The following WWOX variants were observed in gnomAD, a reference collection of about 807,000 sequenced individuals.
The protein encoded by WWOX is WW domain-containing oxidoreductase.
In WWOX, 69 loss-of-function variants were observed where a neutral mutation model predicts 46.2. That is an observed-to-expected ratio of 1.49 (90% confidence interval 1.23 to 1.82). The LOEUF (loss-of-function observed/expected upper bound fraction) is 1.82, where lower values mean the gene tolerates loss of function less well. WWOX is among the 40% of genes most tolerant of loss of function. The pLI, the probability that WWOX is intolerant of heterozygous loss-of-function variation, is 0.00. For synonymous variants in WWOX, 359 were observed against 202.6 expected, an observed-to-expected ratio of 1.77 and a Z score of -6.56; for missense variants, 919 against 542.6, an observed-to-expected ratio of 1.69 and a Z score of -6.89.
At chr16:79,034,527 G>A (rs1046016995) in intron 8 of WWOX, among the ~76,000 whole-genome samples, 4 of 152,266 alleles carry the variant, frequency 2.6e-5, no homozygotes, top group East Asian at 3.9e-4. Flanking sequence ...CCCCCTCACC[G>A]AATGATCAGG....
chr16:78,129,596 A>G (rs149787662), intron 4 of WWOX, among the ~76,000 whole-genome samples: 118 of 152,262 alleles, frequency 7.7e-4, no homozygotes, highest in Non-Finnish European at 1.3e-3. Context: ...AAAGCTTCCC[A>G]ATCAGCCTTT....
At chr16:78,557,052 A>T (rs996153795) in intron 8 of WWOX, among the ~76,000 whole-genome samples, 1 of 152,122 alleles carries the variant, frequency 6.6e-6, no homozygotes, top group African/African-American at 2.4e-5. Context: ...GCAATAAAAT[A>T]AAAAGAAAAG....
chr16:78,201,179 C>G (rs2036218254), intron 5 of WWOX, among the ~76,000 whole-genome samples: 1 of 152,136 alleles, frequency 6.6e-6, no homozygotes, highest in Admixed American at 6.5e-5. Context: ...GCAGTGTATT[C>G]CTTTTCTTCT....
At chr16:78,955,611 T>A (rs79282483) in intron 8 of WWOX, among the ~76,000 whole-genome samples, 2,793 of 149,384 alleles carry the variant, frequency 0.019, 72 homozygotes, top group African/African-American at 0.067. Flanking sequence ...TTTTTTATAT[T>A]TTTTTTATTT....
At chr16:78,785,078 A>G (rs2050421989) in intron 8 of WWOX, among the ~76,000 whole-genome samples, 1 of 152,226 alleles carries the variant, frequency 6.6e-6, no homozygotes, top group Admixed American at 6.5e-5. Context: ...GGCAGTCTCC[A>G]GGGAATATAC....
At chr16:78,265,782 C>T (rs1038685778) in intron 5 of WWOX, among the ~76,000 whole-genome samples, 4 of 151,608 alleles carry the variant, frequency 2.6e-5, no homozygotes, top group African/African-American at 9.7e-5. Flanking sequence ...TGTCTTCATC[C>T]TAAAATAGTT....
intron 3 of WWOX, among the ~76,000 whole-genome samples, chr16:78,112,821 T>C (rs1044158596): frequency 3.3e-5 from 5 of 151,916 alleles, no homozygotes; most frequent in African/African-American, 1.2e-4. Flanking sequence ...TGCCTCAGCC[T>C]TCTGAGGAGC....
chr16:78,907,914 GC>G, intron 8 of WWOX, among the ~76,000 whole-genome samples: 1 of 152,288 alleles, frequency 6.6e-6, no homozygotes, highest in Admixed American at 6.5e-5. Context: ...ACTGCAAGGG[GC>G]TTTGGTGACC....
intron 5 of WWOX, among the ~76,000 whole-genome samples, chr16:78,176,264 A>C (rs940868303): frequency 6.6e-6 from 1 of 152,134 alleles, no homozygotes; most frequent in African/African-American, 2.4e-5. Flanking sequence ...GGGATACTAA[A>C]AGTTGGCAGT....
At chr16:78,632,024 AT>A (rs66791453) in intron 8 of WWOX, among the ~76,000 whole-genome samples, 50,776 of 151,586 alleles carry the variant, frequency 0.33, 11,107 homozygotes, top group African/African-American at 0.63. Context: ...AGACCTCCCA[AT>A]TTTTTCTTAA....
chr16:79,050,941 A>G (rs2048154900), intron 8 of WWOX, among the ~76,000 whole-genome samples: 1 of 152,234 alleles, frequency 6.6e-6, no homozygotes, highest in Non-Finnish European at 1.5e-5. Context: ...GAAACGAGAA[A>G]TTACAGCCCA....
At chr16:78,233,382 T>G (rs1422795059) in intron 5 of WWOX, among the ~76,000 whole-genome samples, 3 of 152,164 alleles carry the variant, frequency 2.0e-5, no homozygotes, top group Non-Finnish European at 4.4e-5. Flanking sequence ...TTTATTATTA[T>G]TGTTGACTAT....
At chr16:78,214,153 C>T (rs563435454) in intron 5 of WWOX, among the ~76,000 whole-genome samples, 1 of 152,256 alleles carries the variant, frequency 6.6e-6, no homozygotes, top group East Asian at 1.9e-4. Context: ...CAGACTGACC[C>T]CCTGGACCCT....
chr16:79,025,852 G>T (rs1039674537), intron 8 of WWOX, among the ~76,000 whole-genome samples: 1 of 126,894 alleles, frequency 7.9e-6, no homozygotes, highest in Non-Finnish European at 1.5e-5. Flanking sequence ...AGGCTGGAGT[G>T]CAACGGCACA....
At chr16:78,277,614 G>A (rs1397773615) in intron 5 of WWOX, among the ~76,000 whole-genome samples, 3 of 152,154 alleles carry the variant, frequency 2.0e-5, no homozygotes, top group African/African-American at 7.2e-5. Context: ...TAAGAAGGAA[G>A]CATATGTTGC....
intron 8 of WWOX, among the ~76,000 whole-genome samples, chr16:78,554,993 C>T (rs1229644758): frequency 1.3e-5 from 2 of 152,084 alleles, no homozygotes; most frequent in Non-Finnish European, 2.9e-5. Context: ...CCCGGATAAA[C>T]CAGCAGGGCC....
chr16:79,133,473 A>C, intron 8 of WWOX, among the ~76,000 whole-genome samples: 1 of 152,324 alleles, frequency 6.6e-6, no homozygotes, highest in South Asian at 2.1e-4. Context: ...TACGGTCTCT[A>C]ACAGTAAAGT....
intron 5 of WWOX, among the ~76,000 whole-genome samples, chr16:78,315,379 TGGCTCAAGCCTGTAATCCCAGCACTTGGG>T (rs1489105852): frequency 3.9e-5 from 6 of 152,184 alleles, no homozygotes; most frequent in Admixed American, 6.5e-5. Context: ...CTGAGTGAGG[TGGCTCAAGCCTGTAATCCCAGCACTTGGG>T]GAGGCCAAGG....
chr16:78,733,721 C>G (rs1255384376), intron 8 of WWOX, among the ~76,000 whole-genome samples: 3 of 152,006 alleles, frequency 2.0e-5, no homozygotes, highest in Admixed American at 1.3e-4. Flanking sequence ...TGCCACTGCA[C>G]TCCAGCCTGG....
Sources: gnomAD v4.1 joint callset for allele counts (sites outside exome capture counted in the v4.1 genomes callset) on GRCh38, gnomAD v4.1.1 for gene constraint, MANE v1.5 for transcripts, NCBI Gene and HGNC (gene_info 2026-07-23, HGNC 2026-07-21) for gene names.